KCNIP4: variants seen among roughly 807,000 people sequenced by gnomAD.
KCNIP4 encodes potassium voltage-gated channel interacting protein 4.
A neutral mutation model predicts 34.0 loss-of-function variants in KCNIP4; 12 were observed. The observed-to-expected ratio is 0.35, with a 90% CI of 0.23 to 0.57. The LOEUF (loss-of-function observed/expected upper bound fraction) is 0.57. KCNIP4 is among the 20% of genes least tolerant of loss of function. KCNIP4 has a pLI of 0.83. For missense variants in KCNIP4, 238 were observed against 311.7 expected (o/e 0.76, Z 1.78); for synonymous variants, 124 against 102.2 (o/e 1.21, Z -1.29).
chr4:21,242,584 C>T (rs1759914519), intron 1 of KCNIP4, among the ~76,000 whole-genome samples: 1 of 152,114 alleles, frequency 6.6e-6, no homozygotes, highest in Admixed American at 6.5e-5. Flanking sequence ...GGGGATCAAC[C>T]AATCCATTGA....
At chr4:20,850,452 C>T in intron 3 of KCNIP4, 91 bp downstream of exon 3, 1 of 1,349,186 alleles carries the variant, frequency 7.4e-7, no homozygotes, top group South Asian at 1.3e-5. Context: ...ATGGGGCTCT[C>T]ATAGAATGGG....
intron 1 of KCNIP4, among the ~76,000 whole-genome samples, chr4:20,892,470 T>C (rs1352796): frequency 0.84 from 127,531 of 151,980 alleles, 53,628 homozygotes; most frequent in African/African-American, 0.85. Context: ...CTTCTCTGTC[T>C]CTGAGTTTCT....
chr4:21,851,401 A>T (rs1422086953), intron 1 of KCNIP4: 7 of 152,146 alleles, frequency 4.6e-5, no homozygotes, highest in Non-Finnish European at 1.0e-4. Context: ...CACACTAGAG[A>T]CTAAGAAGGG....
chr4:21,007,237 T>C (rs1738650663), intron 1 of KCNIP4, among the ~76,000 whole-genome samples: 1 of 152,142 alleles, frequency 6.6e-6, no homozygotes, highest in Non-Finnish European at 1.5e-5. Context: ...TCTAGAAGAC[T>C]TGGAAGGGAA....
chr4:21,937,449 C>G (rs945468844), intron 1 of KCNIP4, among the ~76,000 whole-genome samples: 1 of 152,042 alleles, frequency 6.6e-6, no homozygotes, highest in Non-Finnish European at 1.5e-5. Context: ...CATGATATCC[C>G]AACTAATGGT....
intron 3 of KCNIP4, among the ~76,000 whole-genome samples, chr4:20,777,923 C>G (rs1239077179): frequency 6.6e-6 from 1 of 152,100 alleles, no homozygotes; most frequent in Non-Finnish European, 1.5e-5. Context: ...TGAAGAAAAC[C>G]AGGGAGCTGA....
At chr4:21,498,743 GT>G (rs1733057993) in intron 1 of KCNIP4, among the ~76,000 whole-genome samples, 1 of 152,160 alleles carries the variant, frequency 6.6e-6, no homozygotes, top group Admixed American at 6.5e-5. Context: ...AACCAGTTCA[GT>G]TTAGCAACTT....
chr4:21,769,568 G>A (rs542188623), intron 1 of KCNIP4, among the ~76,000 whole-genome samples: 2 of 152,160 alleles, frequency 1.3e-5, no homozygotes, highest in African/African-American at 2.4e-5. Context: ...GAAACTGTTC[G>A]AATTCCCTCT....
At chr4:20,866,846 C>A (rs556277046) in intron 2 of KCNIP4, among the ~76,000 whole-genome samples, 1 of 152,154 alleles carries the variant, frequency 6.6e-6, no homozygotes, top group South Asian at 2.1e-4. Context: ...AACTCAGTAG[C>A]ATTTCTACAC....
At chr4:20,783,324 C>G (rs1757025724) in intron 3 of KCNIP4, among the ~76,000 whole-genome samples, 1 of 152,160 alleles carries the variant, frequency 6.6e-6, no homozygotes, top group Non-Finnish European at 1.5e-5. Context: ...CATCCCACTT[C>G]TGGTACCAAT....
chr4:20,762,718 C>T (rs1343082316), intron 3 of KCNIP4, among the ~76,000 whole-genome samples: 1 of 152,174 alleles, frequency 6.6e-6, no homozygotes, highest in Non-Finnish European at 1.5e-5. Flanking sequence ...AATCAAAATG[C>T]TTGGGAACAG....
chr4:21,058,033 GAGA>G (rs1196593095), intron 1 of KCNIP4, among the ~76,000 whole-genome samples: 1 of 152,098 alleles, frequency 6.6e-6, no homozygotes, highest in Non-Finnish European at 1.5e-5. Context: ...TGAAAAAAGA[GAGA>G]AGAAAAGCAT....
intron 2 of KCNIP4, among the ~76,000 whole-genome samples, chr4:20,861,755 A>T (rs1334970645): frequency 1.3e-5 from 2 of 152,118 alleles, no homozygotes; most frequent in Non-Finnish European, 2.9e-5. Context: ...TTCATAATTG[A>T]ATTCAATCAC....
Position 21,496,925 on chromosome 4 carries a change from G to A in KCNIP4, c.61+451646C>T, listed in dbSNP as rs1421112730. Among the ~76,000 whole-genome samples, 5 of 152,250 alleles carry A rather than the reference G, an allele frequency of 3.3e-5. No homozygotes were observed. The South Asian group carries it at 6.2e-4, about 19-fold the overall frequency. ...TGTCTGTGCAAAAATTGTCTTTCAC[G>A]AAACTGGTCCCTAGTGCCAAAAAAG... On this transcript the variant is annotated intron_variant, in intron 1 of 8. Coordinates refer to ENST00000382152, the MANE Select transcript of KCNIP4 (RefSeq NM_025221.6).
intron 1 of KCNIP4, among the ~76,000 whole-genome samples, chr4:21,554,547 C>G (rs1352786439): frequency 6.6e-6 from 1 of 152,150 alleles, no homozygotes; most frequent in Non-Finnish European, 1.5e-5. Context: ...AATATTAGAA[C>G]TAAATTCAGT....
At chr4:20,998,288 T>A (rs143372529) in intron 1 of KCNIP4, among the ~76,000 whole-genome samples, 30 of 152,282 alleles carry the variant, frequency 2.0e-4, no homozygotes, top group African/African-American at 7.2e-4. Flanking sequence ...GAGTTCACTG[T>A]AGAAGCCCTA....
chr4:21,777,849 C>T lies in KCNIP4; in HGVS notation c.61+170722G>A, dbSNP rs530918142. 1.1e-4 allele frequency among the ~76,000 whole-genome samples: 17 copies of T among 152,212 alleles called. No individual in the cohort carries two copies. The East Asian group carries it at 2.5e-3, about 22-fold the overall frequency. On this transcript the variant is annotated intron_variant, in intron 1 of 8. Coordinates refer to ENST00000382152, the MANE Select transcript of KCNIP4 (RefSeq NM_025221.6). The stretch of plus-strand genomic sequence containing the variant: ...TTCATACACTTTTTATGATTTTCCT[C>T]TTATATACAGCCATTAATAAGAGTT...
chr4:21,417,341 G>A (rs1725041976), intron 1 of KCNIP4, among the ~76,000 whole-genome samples: 1 of 151,572 alleles, frequency 6.6e-6, no homozygotes, highest in African/African-American at 2.4e-5. Context: ...TGGGTCCAGG[G>A]ATGCACCAGA....
chr4:21,103,815 A>G (rs1748200886), intron 1 of KCNIP4, among the ~76,000 whole-genome samples: 1 of 140,008 alleles, frequency 7.1e-6, no homozygotes. Context: ...ATTCCCACCT[A>G]TGAGTGAGAA....
Sources: gnomAD v4.1 joint callset for allele counts (sites outside exome capture counted in the v4.1 genomes callset) on GRCh38, gnomAD v4.1.1 for gene constraint, MANE v1.5 for transcripts, NCBI Gene and HGNC (gene_info 2026-07-23, HGNC 2026-07-21) for gene names.